SLC25A36: variants seen among roughly 807,000 people sequenced by gnomAD.
The protein encoded by SLC25A36 is epididymis secretory sperm binding protein.
SLC25A36 carries 24 observed loss-of-function variants against 35.3 expected under a neutral mutation model. That is an observed-to-expected ratio of 0.68 (90% CI 0.49 to 0.96). The LOEUF (loss-of-function observed/expected upper bound fraction) is 0.96. Among genes scored for constraint, SLC25A36 ranks in the 40% least tolerant of loss-of-function variants. SLC25A36 has a pLI of 0.00. For synonymous variants in SLC25A36, 141 were observed against 132.2 expected, an observed-to-expected ratio of 1.07 and a Z score of -0.46; for missense variants, 294 against 381.1, an observed-to-expected ratio of 0.77 and a Z score of 1.90.
intron 1 of SLC25A36, among the ~76,000 whole-genome samples, chr3:140,943,035 C>A (rs534346074): frequency 5.6e-4 from 85 of 152,222 alleles, no homozygotes; most frequent in African/African-American, 2.0e-3. Flanking sequence ...GTCTTAGTTC[C>A]CTGATTGCCA....
At chr3:140,965,382 G>A (rs1934734591) in intron 4 of SLC25A36, 1 of 151,410 alleles carries the variant, frequency 6.6e-6, no homozygotes, top group African/African-American at 2.4e-5. Context: ...CTATTCAAGG[G>A]AAAAAATGCT....
intron 4 of SLC25A36, chr3:140,968,006 G>T: frequency 1.0e-6 from 1 of 984,918 alleles, no homozygotes; most frequent in Non-Finnish European, 1.2e-6. Context: ...AATTTCAGGG[G>T]CACCATTCCC....
intron 3 of SLC25A36, among the ~76,000 whole-genome samples, chr3:140,961,849 C>T (rs1934636415): frequency 9.0e-6 from 1 of 111,052 alleles, no homozygotes. Context: ...GAGCGAGGCT[C>T]CGTCTCAAAA....
rs991312255 is a variant in SLC25A36 at position 140,979,118 on chromosome 3, T to G, written c.*2665T>G. 5 of 152,230 alleles carry G rather than the reference T, an allele frequency of 3.3e-5. No homozygotes were observed. The highest frequency in any genetic ancestry group is 6.5e-5 in the Admixed American group (1 of 15,284). 9.4% of individuals were successfully genotyped at this position (152,230 alleles called of 1,614,324 possible). A position where few individuals can be genotyped will look rare whatever the true frequency, so the allele number is the denominator to read the frequency against. Reference sequence around the variant, plus strand: ...CTATCACCAAAAGTTCGTTTGATTCTCATTATGTAACTTTGTAGAACCATC... The same window carrying G: ...CTATCACCAAAAGTTCGTTTGATTCGCATTATGTAACTTTGTAGAACCATC... On this transcript the variant is annotated 3_prime_UTR_variant, in exon 7 of 7. Coordinates refer to ENST00000324194, the MANE Select transcript of SLC25A36 (RefSeq NM_001104647.3).
chr3:140,974,887 C>T (rs1284049627), intron 6 of SLC25A36, among the ~76,000 whole-genome samples: 1 of 152,042 alleles, frequency 6.6e-6, no homozygotes, highest in Non-Finnish European at 1.5e-5. Context: ...GAACTTATCT[C>T]AGTTTCCTGA....
At chr3:140,953,391 T>C (rs946155467) in intron 1 of SLC25A36, among the ~76,000 whole-genome samples, 2 of 140,834 alleles carry the variant, frequency 1.4e-5, no homozygotes, top group African/African-American at 5.1e-5. Flanking sequence ...GGTTTCGACA[T>C]TTTTTGGGGG....
At chr3:140,970,302 A>G (rs1052712375) in intron 4 of SLC25A36, 3 of 152,004 alleles carry the variant, frequency 2.0e-5, no homozygotes, top group African/African-American at 7.2e-5. Context: ...GAGTTTTTGT[A>G]TGTGTTTAAG....
intron 1 of SLC25A36, among the ~76,000 whole-genome samples, chr3:140,943,678 A>G (rs1489026959): frequency 6.6e-6 from 1 of 151,664 alleles, no homozygotes; most frequent in Non-Finnish European, 1.5e-5. Flanking sequence ...CAATTGCTTC[A>G]TCTATAAAAT....
Position 140,976,987 on chromosome 3 carries a change from C to T in SLC25A36, c.*534C>T, listed in dbSNP as rs1205535458. 6.6e-6 allele frequency: 1 copy of T among 152,174 alleles called. No individual in the cohort carries two copies. The highest frequency in any genetic ancestry group is 2.4e-5 in the African/African-American group (1 of 41,426). The allele number at this position is 152,174 out of a possible 1,614,324, so 9.4% of individuals were successfully genotyped here. On this transcript the variant is annotated 3_prime_UTR_variant, in exon 7 of 7. Coordinates refer to ENST00000324194, the MANE Select transcript of SLC25A36 (RefSeq NM_001104647.3). Reference sequence around the variant, plus strand: ...CTGTTTTTGACAACCAATGAAATAGCGTCTAAATATCTTGTATATTTTTTA... The same window carrying T: ...CTGTTTTTGACAACCAATGAAATAGTGTCTAAATATCTTGTATATTTTTTA...
At chr3:140,945,456 C>A (rs1272929547) in intron 1 of SLC25A36, among the ~76,000 whole-genome samples, 1 of 152,122 alleles carries the variant, frequency 6.6e-6, no homozygotes, top group African/African-American at 2.4e-5. Context: ...ATTCTCAAAT[C>A]ATTTTTCTAT....
chr3:140,966,393 A>G (rs931953861), intron 4 of SLC25A36: 15 of 312,836 alleles, frequency 4.8e-5, no homozygotes, highest in Admixed American at 4.0e-4. Flanking sequence ...TTTCATAAGT[A>G]TGGATGTGCA....
chr3:140,962,782 A>G (rs1023689591), intron 3 of SLC25A36, among the ~76,000 whole-genome samples: 1 of 152,036 alleles, frequency 6.6e-6, no homozygotes, highest in African/African-American at 2.4e-5. Flanking sequence ...CTTTTTGTTT[A>G]AATTAGTTAT....
chr3:140,961,683 A>G (rs1161013879), intron 3 of SLC25A36, among the ~76,000 whole-genome samples: 3 of 151,622 alleles, frequency 2.0e-5, no homozygotes, highest in African/African-American at 7.3e-5. Flanking sequence ...GTGAAACCCC[A>G]TCTCTACTAA....
intron 3 of SLC25A36, among the ~76,000 whole-genome samples, chr3:140,960,377 A>C (rs1453453945): frequency 6.6e-6 from 1 of 152,210 alleles, no homozygotes; most frequent in East Asian, 1.9e-4. Flanking sequence ...GGCATTTAGG[A>C]TATCTCGACT....
At chr3:140,967,635 A>C (rs1934795079) in intron 4 of SLC25A36, among the ~76,000 whole-genome samples, 1 of 151,988 alleles carries the variant, frequency 6.6e-6, no homozygotes, top group Non-Finnish European at 1.5e-5. Flanking sequence ...TCACTTAATG[A>C]AATCAACATT....
chr3:140,944,035 G>A lies in SLC25A36; in HGVS notation c.41+1940G>A, dbSNP rs562866622. ...GGATTTGATACAAGATAGGTGCTCA[G>A]CCGTATAATTTCTCTTCCTTTGCAT... On this transcript the variant is annotated intron_variant, in intron 1 of 6. Transcript: ENST00000324194. Among the ~76,000 whole-genome samples, 9 of 152,202 alleles carry A rather than the reference G, an allele frequency of 5.9e-5. No homozygotes were observed. In the East Asian group the frequency reaches 1.7e-3, roughly 29 times the overall value.
intron 6 of SLC25A36, among the ~76,000 whole-genome samples, chr3:140,975,094 A>ATTTTTTTTTTTTTTTTTT (rs1272903563): frequency 4.1e-5 from 1 of 24,236 alleles, no homozygotes; most frequent in Non-Finnish European, 1.3e-4. Context: ...AACAAGATAC[A>ATTTTTTTTTTTTTTTTTT]TTCTTTTTTT....
intron 5 of SLC25A36, among the ~76,000 whole-genome samples, chr3:140,971,769 A>T (rs868296095): frequency 4.6e-5 from 7 of 152,188 alleles, no homozygotes; most frequent in Non-Finnish European, 7.4e-5. Context: ...CCTATCTTAT[A>T]TGTTACAATA....
chr3:140,966,634 C>T (rs1934767789), intron 4 of SLC25A36: 1 of 317,502 alleles, frequency 3.1e-6, no homozygotes, highest in African/African-American at 2.2e-5. Flanking sequence ...TGATGATCCC[C>T]TCTAAATATT....
Sources: allele counts gnomAD v4.1 joint callset (sites outside exome capture counted in the v4.1 genomes callset), GRCh38; gene constraint gnomAD v4.1.1; transcripts MANE v1.5; gene names NCBI Gene and HGNC (gene_info 2026-07-23, HGNC 2026-07-21).